The following UGT2A3 variants were observed in gnomAD, a reference collection of about 807,000 sequenced individuals.
UGT2A3 encodes the protein UDP-glucuronosyltransferase 2A3.
UGT2A3 carries 55 observed loss-of-function variants against 44.1 expected under a neutral mutation model. The observed-to-expected ratio is 1.25, with a 90% CI of 1.00 to 1.56. The LOEUF (loss-of-function observed/expected upper bound fraction) is 1.56, where lower values mean the gene tolerates loss of function less well. Among genes scored for constraint, UGT2A3 ranks in the 40% most tolerant of loss-of-function variants. The pLI, the probability that UGT2A3 is intolerant of heterozygous loss-of-function variation, is 0.00. For missense variants in UGT2A3, 733 were observed against 621.6 expected, an observed-to-expected ratio of 1.18 and a Z score of -1.91; for synonymous variants, 243 against 215.1, an observed-to-expected ratio of 1.13 and a Z score of -1.13.
At chr4:68,937,571 G>A (rs1357456431) in intron 2 of UGT2A3, among the ~76,000 whole-genome samples, 1 of 152,060 alleles carries the variant, frequency 6.6e-6, no homozygotes, top group African/African-American at 2.4e-5. Context: ...AGTGTGTAAA[G>A]GGAAATTTAT....
rs1718605525 is a variant in UGT2A3 at position 68,951,744 on chromosome 4, G to T, written c.17C>A (p.Ser6Ter). Residue 6 changes from serine to a stop codon, truncating the protein, a stop_gained, in exon 1 of 6, where the codon TCA (serine) becomes TAA (stop). Transcript: ENST00000251566. LOFTEE classifies it high-confidence loss of function. MRSDK[S>*]ALVFLLLQLF... ...CTGCAGGAGCAGAAATACCAAAGCT[G>T]ACTTGTCAGACCTCATGATGGCAGT... is the stretch of plus-strand genomic sequence containing the variant. The T allele has an allele frequency of 6.3e-7, 1 of 1,593,740 alleles. No individual in the cohort carries two copies. Among genetic ancestry groups the T allele is most frequent in the African/African-American group, 1.3e-5 (1 of 74,270 alleles).
In UGT2A3 at chr4:68,951,442, C is replaced by T. The variant is rs780003912; in HGVS notation, c.319G>A (p.Val107Ile). 6.2e-7 allele frequency: 1 copy of T among 1,611,968 alleles called. No homozygotes were observed. The highest frequency in any genetic ancestry group is 1.7e-5 in the Admixed American group (1 of 59,648). The part of the protein sequence containing the change: ...VLPGLSTWQS[V>I]IKLNDFFVEI... ...ACAAAAAAATCATTTAATTTTATAA[C>T]TGATTGCCAGGTTGATAAGCCTGGC... is the stretch of plus-strand genomic sequence containing the variant. The change falls in exon 1 of 6, where the codon GTT (valine) becomes ATT (isoleucine). Residue 107 changes from valine to isoleucine, a missense_variant. Coordinates refer to ENST00000251566, the MANE Select transcript of UGT2A3 (RefSeq NM_024743.4).
chr4:68,950,990 T>C (rs1204857892), intron 1 of UGT2A3, 56 bp downstream of exon 1: 3 of 1,294,284 alleles, frequency 2.3e-6, no homozygotes, highest in Non-Finnish European at 3.1e-6. Flanking sequence ...TGTATGACAA[T>C]TTTTAAAAAT....
At chr4:68,940,335 T>G (rs1202050150) in intron 2 of UGT2A3, among the ~76,000 whole-genome samples, 1 of 152,112 alleles carries the variant, frequency 6.6e-6, no homozygotes, top group Non-Finnish European at 1.5e-5. Flanking sequence ...TAAGAAAACG[T>G]AGCACATATA....
chr4:68,936,896 A>AAAAAAAAAAAAAAAAAC, intron 2 of UGT2A3, among the ~76,000 whole-genome samples: 1 of 146,016 alleles, frequency 6.8e-6, no homozygotes, highest in Non-Finnish European at 1.5e-5. Flanking sequence ...AGCAAAAAAA[A>AAAAAAAAAAAAAAAAAC]AAAAAAAAAA....
chr4:68,940,969 A>G (rs1373691599), intron 2 of UGT2A3, among the ~76,000 whole-genome samples: 1 of 151,612 alleles, frequency 6.6e-6, no homozygotes, highest in South Asian at 2.1e-4. Context: ...GATCCCCAAT[A>G]TTGGGGGTAG....
At chr4:68,946,634 G>A (rs540531876) in intron 1 of UGT2A3, among the ~76,000 whole-genome samples, 46 of 151,790 alleles carry the variant, frequency 3.0e-4, no homozygotes, top group African/African-American at 9.6e-4. Flanking sequence ...GTCATTCAAT[G>A]TTTAAAGGAT....
chr4:68,941,621 A>C (rs1718188992), intron 2 of UGT2A3, among the ~76,000 whole-genome samples: 1 of 151,964 alleles, frequency 6.6e-6, no homozygotes, highest in African/African-American at 2.4e-5. Flanking sequence ...AGCCAACAAA[A>C]GGAAAAGTAG....
intron 2 of UGT2A3, among the ~76,000 whole-genome samples, chr4:68,936,581 C>A (rs926905802): frequency 1.6e-4 from 24 of 152,028 alleles, no homozygotes; most frequent in Non-Finnish European, 3.4e-4. Context: ...TGGAAAAGAA[C>A]AACTGGTACC....
rs148132619 is a variant in UGT2A3, at chr4:68,951,486, T to C, written c.275A>G (p.Asp92Gly). Residue 92 changes from aspartate to glycine, a missense_variant, in exon 1 of 6, where the codon GAC (aspartate) becomes GGC (glycine). Coordinates refer to ENST00000251566, the MANE Select transcript of UGT2A3 (RefSeq NM_024743.4). ...DRTEENEIFV[D>G]LALNVLPGLS... ...GCCTGGCAAGACATTCAGAGCTAGG[T>C]CAACAAATATTTCATTTTCTTCTGT... 3.8e-5 allele frequency: 62 copies of C among 1,612,640 alleles called. No homozygotes were observed. Among genetic ancestry groups the C allele is most frequent in the South Asian group, 5.5e-5 (5 of 91,038 alleles).
intron 1 of UGT2A3, among the ~76,000 whole-genome samples, chr4:68,948,448 T>C (rs1481959237): frequency 6.9e-6 from 1 of 145,140 alleles, no homozygotes; most frequent in Non-Finnish European, 1.5e-5. Flanking sequence ...TCTTTTTTTT[T>C]TTTTTTTTTT....
intron 2 of UGT2A3, among the ~76,000 whole-genome samples, chr4:68,939,432 A>C (rs1718096101): frequency 6.6e-6 from 1 of 152,200 alleles, no homozygotes; most frequent in East Asian, 1.9e-4. Flanking sequence ...AAATCTGACA[A>C]AATCAAGAAA....
intron 2 of UGT2A3, among the ~76,000 whole-genome samples, chr4:68,936,154 G>C (rs557877263): frequency 6.6e-6 from 1 of 152,202 alleles, no homozygotes; most frequent in African/African-American, 2.4e-5. Flanking sequence ...ATATTATCCA[G>C]GAGAACTTTC....
Position 68,929,480 on chromosome 4 carries a change from G to T in UGT2A3, c.*333C>A. 5.4e-6 allele frequency: 1 copy of T among 184,724 alleles called. No homozygotes were observed. Among genetic ancestry groups the T allele is most frequent in the Non-Finnish European group, 1.1e-5 (1 of 89,436 alleles). The allele number at this position is 184,724 out of a possible 1,614,324, so 11.4% of individuals were successfully genotyped here. A position where few individuals can be genotyped will look rare whatever the true frequency, so the allele number is the denominator to read the frequency against. The stretch of plus-strand genomic sequence containing the variant: ...TTACCTCTTTATATCCATGTGTTTG[G>T]GCGCACACCAGGAATAATCATATTG... On this transcript the variant is annotated 3_prime_UTR_variant, in exon 6 of 6. Transcript: ENST00000251566.
intron 2 of UGT2A3, chr4:68,943,380 T>A (rs771673856): frequency 2.5e-5 from 30 of 1,219,934 alleles, no homozygotes; most frequent in Non-Finnish European, 3.2e-5. Flanking sequence ...ATAACTTTCC[T>A]GGTAAGTAAA....
intron 2 of UGT2A3, among the ~76,000 whole-genome samples, chr4:68,941,995 A>G (rs932557454): frequency 6.6e-6 from 1 of 151,872 alleles, no homozygotes; most frequent in Admixed American, 6.6e-5. Flanking sequence ...GCTAGAAAGT[A>G]TGCAGAGAAA....
chr4:68,949,704 C>T (rs1013228985), intron 1 of UGT2A3, among the ~76,000 whole-genome samples: 8 of 151,840 alleles, frequency 5.3e-5, no homozygotes, highest in East Asian at 1.9e-4. Flanking sequence ...TACACCTGTG[C>T]GTAAGCACTT....
Position 68,939,648 on chromosome 4 carries a change from A to G in UGT2A3, c.864+5658T>C, listed in dbSNP as rs575013069. ...GGACTTAGGCCTGGGCAAGGGTTTC[A>G]TGACTAAAACACCAAAAGCAATGGC... On this transcript the variant is annotated intron_variant, in intron 2 of 5. Coordinates refer to ENST00000251566, the MANE Select transcript of UGT2A3 (RefSeq NM_024743.4). Among the ~76,000 whole-genome samples the G allele has an allele frequency of 2.6e-5, 4 of 152,306 alleles. No homozygotes were observed. The East Asian group carries it at 7.7e-4, about 29-fold the overall frequency.
intron 2 of UGT2A3, among the ~76,000 whole-genome samples, chr4:68,938,132 T>A (rs561544078): frequency 2.8e-4 from 42 of 152,034 alleles, no homozygotes; most frequent in Non-Finnish European, 5.0e-4. Flanking sequence ...GAGGTACAAA[T>A]AGGAGCTGGT....
Sources: gnomAD v4.1 joint callset for allele counts (sites outside exome capture counted in the v4.1 genomes callset) on GRCh38, gnomAD v4.1.1 for gene constraint, MANE v1.5 for transcripts, NCBI Gene and HGNC (gene_info 2026-07-23, HGNC 2026-07-21) for gene names.